The following FBLN1 variants were observed in gnomAD, a reference collection of about 807,000 sequenced individuals.
FBLN1 encodes the protein fibulin-1.
Under a neutral mutation model 89.7 loss-of-function variants are expected in FBLN1, and 34 were observed. That is an observed-to-expected ratio of 0.38 (90% CI 0.29 to 0.50). The LOEUF (loss-of-function observed/expected upper bound fraction) is 0.50, where lower values mean the gene tolerates loss of function less well. FBLN1 is among the 20% of genes least tolerant of loss of function. The probability of loss-of-function intolerance (pLI) is 0.92; values close to 1 mark genes in which losing one functional copy is unlikely to be tolerated. For synonymous variants in FBLN1, 393 were observed against 391.3 expected, an observed-to-expected ratio of 1.00 and a Z score of -0.05; for missense variants, 777 against 988.1, an observed-to-expected ratio of 0.79 and a Z score of 2.86.
intron 14 of FBLN1, chr22:45,558,027 G>A: frequency 1.4e-6 from 1 of 715,202 alleles, no homozygotes; most frequent in Non-Finnish European, 2.6e-6. Context: ...ATATCGTGCA[G>A]AATGATCTGT....
intron 2 of FBLN1, among the ~76,000 whole-genome samples, chr22:45,519,173 C>T (rs956381611): frequency 1.3e-5 from 2 of 152,136 alleles, no homozygotes; most frequent in African/African-American, 2.4e-5. Context: ...CCTACAGACC[C>T]CAAAAATGCC....
chr22:45,553,433 C>T (rs981972412), intron 14 of FBLN1, among the ~76,000 whole-genome samples: 21 of 152,314 alleles, frequency 1.4e-4, no homozygotes, highest in African/African-American at 3.4e-4. Context: ...GTAATACATT[C>T]AGTGATGACA....
rs377650001 is a variant in FBLN1, at chr22:45,536,870, G to A, written c.922+1533G>A. ...GAATTTAGGAGGCCTGGGCAAGACC[G>A]CTCACGCTAGAGGAGCTGTGTGGGG... On this transcript the variant is annotated intron_variant, in intron 8 of 16. Transcript: ENST00000327858. This position sits in a 1 kb window ranked among gnomAD's most constrained non-coding sequence, Gnocchi z 5.1. Among the ~76,000 whole-genome samples the A allele has an allele frequency of 4.1e-4, 63 of 152,338 alleles. No homozygotes were observed. The highest frequency in any genetic ancestry group is 7.6e-4 in the Non-Finnish European group (52 of 68,030).
At chr22:45,523,581 G>A (rs1267914700) in intron 2 of FBLN1, among the ~76,000 whole-genome samples, 2 of 152,166 alleles carry the variant, frequency 1.3e-5, no homozygotes, top group African/African-American at 2.4e-5. Flanking sequence ...GCAGGTGCCT[G>A]TAATCCCAGC....
chr22:45,586,285 G>A (rs546888294), intron 16 of FBLN1, among the ~76,000 whole-genome samples: 1 of 152,324 alleles, frequency 6.6e-6, no homozygotes, highest in South Asian at 2.1e-4. Context: ...GGTCGGCGGG[G>A]TACAGCCCGC....
chr22:45,533,218 G>A (rs2088433342), intron 6 of FBLN1, 54 bp downstream of exon 6: 1 of 1,511,962 alleles, frequency 6.6e-7, no homozygotes, highest in African/African-American at 1.4e-5. Flanking sequence ...GTGCTTGGGA[G>A]CTCTGTGCTG....
At chr22:45,544,335 C>T (rs2146984817) in intron 11 of FBLN1, among the ~76,000 whole-genome samples, 1 of 152,314 alleles carries the variant, frequency 6.6e-6, no homozygotes, top group African/African-American at 2.4e-5. Context: ...GATCCGCCCA[C>T]CTCGGCCTCC....
chr22:45,583,162 G>A lies in FBLN1; in HGVS notation c.1972+6054G>A, dbSNP rs1263157360. On this transcript the variant is annotated intron_variant, in intron 16 of 16. Coordinates refer to ENST00000327858, the MANE Select transcript of FBLN1 (RefSeq NM_006486.3). The surrounding 1 kb of genome is among the most constrained non-coding windows in gnomAD (Gnocchi z 4.5). The stretch of plus-strand genomic sequence containing the variant: ...GTGCTGGCCCAGGGTCCCACAGCCA[G>A]CAAGTTGGAGCTGCACTGCCCAAGC... Among the ~76,000 whole-genome samples the A allele has an allele frequency of 6.6e-6, 1 of 152,220 alleles. No homozygotes were observed. The highest frequency in any genetic ancestry group is 1.9e-4 in the East Asian group (1 of 5,202).
intron 16 of FBLN1, among the ~76,000 whole-genome samples, chr22:45,599,927 A>G (rs551702326): frequency 6.6e-6 from 1 of 152,344 alleles, no homozygotes; most frequent in South Asian, 2.1e-4. Context: ...CAAAAACAAA[A>G]GACAAACAAA....
At chr22:45,567,964 G>A (rs1043116206) in intron 14 of FBLN1, among the ~76,000 whole-genome samples, 3 of 152,182 alleles carry the variant, frequency 2.0e-5, no homozygotes, top group African/African-American at 7.2e-5. Flanking sequence ...GGGAGGAAGG[G>A]GCTGGCGCAG....
At chr22:45,570,001 A>G (rs2088937504) in intron 14 of FBLN1, among the ~76,000 whole-genome samples, 1 of 152,228 alleles carries the variant, frequency 6.6e-6, no homozygotes, top group Admixed American at 6.5e-5. Context: ...CTATCTTGAA[A>G]GAAACCAAAA....
Position 45,557,222 on chromosome 22 carries a change from A to G in FBLN1, c.1697+6607A>G, listed in dbSNP as rs1350835816. ...CAGAGGCAATGCTGTGTGGAATACC[A>G]TGAGGGTGGATAAGGCATTCTGTGA... On this transcript the variant is annotated intron_variant, in intron 14 of 16. Coordinates refer to ENST00000327858, the MANE Select transcript of FBLN1 (RefSeq NM_006486.3). This position sits in a 1 kb window ranked among gnomAD's most constrained non-coding sequence, Gnocchi z 4.9. 1.3e-5 allele frequency among the ~76,000 whole-genome samples: 2 copies of G among 152,216 alleles called. No homozygotes were observed. The highest frequency in any genetic ancestry group is 4.8e-5 in the African/African-American group (2 of 41,454).
intron 5 of FBLN1, 50 bp from the exon 6 acceptor site, chr22:45,533,012 AG>A: frequency 6.5e-7 from 1 of 1,536,116 alleles, no homozygotes; most frequent in Non-Finnish European, 9.0e-7. Flanking sequence ...GCTAGAAACC[AG>A]GCGGTGCCTG....
intron 14 of FBLN1, chr22:45,565,187 C>T: frequency 1.9e-6 from 3 of 1,539,296 alleles, no homozygotes; most frequent in Non-Finnish European, 2.6e-6. Context: ...AGCCCAGGAG[C>T]CTCTCTGAAG....
At chr22:45,573,368 G>C (rs1055055931) in intron 14 of FBLN1, among the ~76,000 whole-genome samples, 1 of 151,236 alleles carries the variant, frequency 6.6e-6, no homozygotes, top group Non-Finnish European at 1.5e-5. Flanking sequence ...ACACTGATGT[G>C]AGAAAACTAT....
Position 45,536,399 on chromosome 22 carries a change from C to T in FBLN1, c.922+1062C>T, listed in dbSNP as rs9614693. On this transcript the variant is annotated intron_variant, in intron 8 of 16. Coordinates refer to ENST00000327858, the MANE Select transcript of FBLN1 (RefSeq NM_006486.3). The surrounding 1 kb of genome is among the most constrained non-coding windows in gnomAD (Gnocchi z 5.1). The stretch of plus-strand genomic sequence containing the variant: ...TGCAGTAATGCCCCTGAACCGTCTA[C>T]TTAAAATGGTTACGATGGCAGATTT... 0.11 allele frequency among the ~76,000 whole-genome samples: 16,166 copies of T among 152,062 alleles called. 1,111 individuals are homozygous for T. Among genetic ancestry groups the T allele is most frequent in the Non-Finnish European group, 0.15 (10,190 of 67,968 alleles).
intron 16 of FBLN1, among the ~76,000 whole-genome samples, chr22:45,594,696 A>G (rs12169514): frequency 0.01 from 1,445 of 143,072 alleles, 12 homozygotes; most frequent in South Asian, 0.017. Flanking sequence ...ATTGGTGGAT[A>G]GATGGATGGA....
rs950068300 is a variant in FBLN1 at position 45,556,736 on chromosome 22, T to C, written c.1697+6121T>C. 1.3e-5 allele frequency among the ~76,000 whole-genome samples: 2 copies of C among 152,204 alleles called. No individual in the cohort carries two copies. The highest frequency in any genetic ancestry group is 3.8e-4 in the East Asian group (2 of 5,200). Reference sequence around the variant, plus strand: ...ACTTAAAGGTAGGAGGAGCTTCAAGTGTCCAGGTGGCAATCTTAATTTCCA... The same window carrying C: ...ACTTAAAGGTAGGAGGAGCTTCAAGCGTCCAGGTGGCAATCTTAATTTCCA... On this transcript the variant is annotated intron_variant, in intron 14 of 16. Coordinates refer to ENST00000327858, the MANE Select transcript of FBLN1 (RefSeq NM_006486.3). This position sits in a 1 kb window ranked among gnomAD's most constrained non-coding sequence, Gnocchi z 4.6.
In FBLN1 at chr22:45,527,939, G is replaced by T. The variant is rs1343436105; in HGVS notation, c.414G>T (p.Gln138His). ...YSLMVGYQCG[Q>H]VFQACCVKSQ... ...TCATGGTTGGCTACCAGTGTGGACA[G>T]GTCTTCCAGGCATGCTGTGTCAAGA... The change falls in exon 4 of 17, where the codon CAG becomes CAT. Residue 138 changes from glutamine to histidine, a missense_variant. Coordinates refer to ENST00000327858, the MANE Select transcript of FBLN1 (RefSeq NM_006486.3). 3 of 1,614,070 alleles carry T rather than the reference G, an allele frequency of 1.9e-6. No individual in the cohort carries two copies. In the African/African-American group the frequency reaches 4.0e-5, roughly 22 times the overall value.
Sources: allele counts gnomAD v4.1 joint callset (sites outside exome capture counted in the v4.1 genomes callset), GRCh38; gene constraint gnomAD v4.1.1; non-coding constraint Gnocchi (gnomAD v3.1); transcripts MANE v1.5; gene names NCBI Gene and HGNC (gene_info 2026-07-23, HGNC 2026-07-21).